Variants in CFAP299 observed in about 807,000 individuals in gnomAD.
CFAP299 encodes cilia- and flagella-associated protein 299.
Under a neutral mutation model 27.0 loss-of-function variants are expected in CFAP299, and 21 were observed. The observed-to-expected ratio is 0.78, with a 90% CI of 0.55 to 1.12. The LOEUF (loss-of-function observed/expected upper bound fraction) is 1.12. CFAP299 is among the 50% of genes most tolerant of loss of function. The pLI is 0.00. For synonymous variants in CFAP299, 104 were observed against 98.1 expected, an observed-to-expected ratio of 1.06 and a Z score of -0.36; for missense variants, 310 against 276.6, an observed-to-expected ratio of 1.12 and a Z score of -0.86.
intron 2 of CFAP299, among the ~76,000 whole-genome samples, chr4:80,401,360 A>C (rs368779786): frequency 1.2e-4 from 19 of 152,238 alleles, no homozygotes; most frequent in African/African-American, 3.1e-4. Flanking sequence ...AAAATGGTTT[A>C]GTGGACTGGG....
At chr4:80,817,929 G>T (rs960001010) in intron 3 of CFAP299, among the ~76,000 whole-genome samples, 1 of 151,732 alleles carries the variant, frequency 6.6e-6, no homozygotes, top group Non-Finnish European at 1.5e-5. Flanking sequence ...TTGCTGCACA[G>T]ATCATCCCAA....
At chr4:80,726,004 G>C (rs1477067370) in intron 3 of CFAP299, among the ~76,000 whole-genome samples, 2 of 152,174 alleles carry the variant, frequency 1.3e-5, no homozygotes, top group Non-Finnish European at 2.9e-5. Flanking sequence ...CACCTCTGTA[G>C]AGGACATTTG....
chr4:80,619,818 C>T (rs1418362592), intron 3 of CFAP299, among the ~76,000 whole-genome samples: 1 of 151,990 alleles, frequency 6.6e-6, no homozygotes, highest in South Asian at 2.1e-4. Context: ...ATAAAGTGAT[C>T]ATGTATTATC....
chr4:80,496,643 T>A (rs1731455114), intron 2 of CFAP299, among the ~76,000 whole-genome samples: 1 of 152,234 alleles, frequency 6.6e-6, no homozygotes, highest in Admixed American at 6.5e-5. Flanking sequence ...TGCTTTCACA[T>A]TTTCTAATAT....
At chr4:80,916,602 T>G (rs1735779725) in intron 4 of CFAP299, among the ~76,000 whole-genome samples, 1 of 152,028 alleles carries the variant, frequency 6.6e-6, no homozygotes, top group South Asian at 2.1e-4. Flanking sequence ...AAACTTGAAC[T>G]ATTTCCAATC....
chr4:80,461,066 C>A, intron 2 of CFAP299, among the ~76,000 whole-genome samples: 1 of 152,026 alleles, frequency 6.6e-6, no homozygotes, highest in East Asian at 1.9e-4. Context: ...TTCTGATGGG[C>A]AATTGGTTGA....
intron 3 of CFAP299, among the ~76,000 whole-genome samples, chr4:80,589,829 T>C (rs1355711575): frequency 6.6e-6 from 1 of 152,106 alleles, no homozygotes. Context: ...TAAGAAACCA[T>C]GTTTGGTGAT....
chr4:80,445,484 T>A (rs910922913), intron 2 of CFAP299, among the ~76,000 whole-genome samples: 1 of 151,816 alleles, frequency 6.6e-6, no homozygotes, highest in Non-Finnish European at 1.5e-5. Context: ...TGAGAACACA[T>A]GGACACAGGG....
intron 2 of CFAP299, among the ~76,000 whole-genome samples, chr4:80,380,446 T>TTA (rs1553918258): frequency 6.7e-6 from 1 of 148,366 alleles, no homozygotes; most frequent in African/African-American, 2.5e-5. Context: ...TTTTTTTTTT[T>TTA]AGATAGAATC....
intron 2 of CFAP299, among the ~76,000 whole-genome samples, chr4:80,512,243 T>C (rs939310499): frequency 2.0e-5 from 3 of 151,692 alleles, no homozygotes; most frequent in East Asian, 1.9e-4. Flanking sequence ...TGTGTGTGTG[T>C]GCATGTGTGT....
At chr4:80,710,343 A>C (rs1722069482) in intron 3 of CFAP299, among the ~76,000 whole-genome samples, 1 of 152,144 alleles carries the variant, frequency 6.6e-6, no homozygotes, top group Non-Finnish European at 1.5e-5. Context: ...GATGCCAGAA[A>C]AAGACAAGTT....
chr4:80,798,110 T>A (rs559667805), intron 3 of CFAP299, among the ~76,000 whole-genome samples: 1 of 152,186 alleles, frequency 6.6e-6, no homozygotes, highest in African/African-American at 2.4e-5. Context: ...ATTAGAAAAC[T>A]CAAGCAGTTC....
At chr4:80,325,715 A>T in the CFAP299 span, among the ~76,000 whole-genome samples, 1 of 152,242 alleles carries the variant, frequency 6.6e-6, no homozygotes, top group Non-Finnish European at 1.5e-5. Context: ...CTGGCTGGCC[A>T]TCCAGGCATA....
intron 3 of CFAP299, among the ~76,000 whole-genome samples, chr4:80,689,355 T>C (rs1720481685): frequency 6.6e-6 from 1 of 152,090 alleles, no homozygotes; most frequent in African/African-American, 2.4e-5. Context: ...CGGCAGAAAC[T>C]CTACAAGCCA....
chr4:80,706,842 A>T (rs1372086060), intron 3 of CFAP299, among the ~76,000 whole-genome samples: 1 of 151,916 alleles, frequency 6.6e-6, no homozygotes, highest in Non-Finnish European at 1.5e-5. Context: ...GAGCTTTAGT[A>T]TACATAAGAA....
chr4:80,837,726 A>C (rs1398679100), intron 3 of CFAP299, among the ~76,000 whole-genome samples: 1 of 152,178 alleles, frequency 6.6e-6, no homozygotes, highest in Non-Finnish European at 1.5e-5. Context: ...TACTATTGTG[A>C]ATAGTGCTGC....
chr4:80,467,438 G>T (rs918214904), intron 2 of CFAP299, among the ~76,000 whole-genome samples: 2 of 152,074 alleles, frequency 1.3e-5, no homozygotes, highest in African/African-American at 4.8e-5. Context: ...CTCTACAGAT[G>T]AATAGTCCCT....
chr4:80,692,169 T>G (rs1720755497), intron 3 of CFAP299, among the ~76,000 whole-genome samples: 1 of 152,202 alleles, frequency 6.6e-6, no homozygotes, highest in Non-Finnish European at 1.5e-5. Context: ...ACCAAGGACT[T>G]TCTTCACAGA....
intron 3 of CFAP299, among the ~76,000 whole-genome samples, chr4:80,690,749 C>G (rs1720613345): frequency 1.3e-5 from 2 of 151,892 alleles, no homozygotes; most frequent in Admixed American, 1.3e-4. Flanking sequence ...ATTAATGAAT[C>G]CAGGAGCTGG....
Sources: gnomAD v4.1 joint callset for allele counts (sites outside exome capture counted in the v4.1 genomes callset) on GRCh38, gnomAD v4.1.1 for gene constraint, MANE v1.5 for transcripts, NCBI Gene and HGNC (gene_info 2026-07-23, HGNC 2026-07-21) for gene names.